Variants in HERC3 observed in about 807,000 individuals in gnomAD.
HERC3 encodes the protein HECT and RLD domain containing E3 ubiquitin protein ligase 3.
In HERC3, 58 loss-of-function variants were observed where a neutral mutation model predicts 129.9. The observed-to-expected ratio is 0.45, with a 90% CI of 0.36 to 0.56. The LOEUF is 0.56. Ranked by LOEUF, HERC3 falls within the 20% of genes least tolerant of loss-of-function variation. The pLI, the probability that HERC3 is intolerant of heterozygous loss-of-function variation, is 0.00. For synonymous variants in HERC3, 430 were observed against 451.0 expected (o/e 0.95, Z 0.59); for missense variants, 835 against 1,244.2 (o/e 0.67, Z 4.95).
intron 23 of HERC3, chr4:88,689,906 A>T (rs1188280835): frequency 1.4e-6 from 1 of 729,288 alleles, no homozygotes; most frequent in East Asian, 1.3e-4. Flanking sequence ...AAACGACTCG[A>T]AGCTAGTATG....
At chr4:88,596,068 C>T (rs1471697146) in intron 2 of HERC3, among the ~76,000 whole-genome samples, 1 of 152,004 alleles carries the variant, frequency 6.6e-6, no homozygotes, top group Admixed American at 6.5e-5. Flanking sequence ...CCAGGATGGT[C>T]TTGATCTCCT....
the HERC3 span, among the ~76,000 whole-genome samples, chr4:88,579,219 T>TA: frequency 8.7e-3 from 1,020 of 117,050 alleles, 9 homozygotes; most frequent in Middle Eastern, 0.019. Context: ...CTGTCTCTAC[T>TA]AAAAAAAAAA....
At chr4:88,577,941 T>TA in the HERC3 span, among the ~76,000 whole-genome samples, 1 of 152,112 alleles carries the variant, frequency 6.6e-6, no homozygotes, top group South Asian at 2.1e-4. Flanking sequence ...CAATCATGGG[T>TA]AAAGGAGGTG....
intron 3 of HERC3, among the ~76,000 whole-genome samples, chr4:88,647,048 CA>C (rs2149264813): frequency 1.3e-5 from 2 of 152,124 alleles, no homozygotes; most frequent in South Asian, 4.2e-4. Flanking sequence ...CTTTACCTTG[CA>C]AAAATGTAAG....
the HERC3 span, among the ~76,000 whole-genome samples, chr4:88,531,790 C>G: frequency 6.6e-6 from 1 of 152,178 alleles, no homozygotes; most frequent in Non-Finnish European, 1.5e-5. Flanking sequence ...CAGGTTCTGA[C>G]AGACACAGGA....
At chr4:88,690,857 A>G (rs916079582) in intron 23 of HERC3, among the ~76,000 whole-genome samples, 19 of 152,136 alleles carry the variant, frequency 1.2e-4, no homozygotes, top group Non-Finnish European at 2.4e-4. Flanking sequence ...TCAACAATTG[A>G]ATTGACTCAA....
chr4:88,580,345 T>C, the HERC3 span, among the ~76,000 whole-genome samples: 5 of 151,992 alleles, frequency 3.3e-5, no homozygotes, highest in African/African-American at 1.2e-4. Context: ...GCCAACAGGA[T>C]GAAACCCTGT....
chr4:88,698,000 A>T (rs749136925), intron 23 of HERC3, among the ~76,000 whole-genome samples: 3 of 151,614 alleles, frequency 2.0e-5, no homozygotes, highest in Non-Finnish European at 4.4e-5. Context: ...GGCCCTCAAC[A>T]CCCGCCTGTT....
chr4:88,606,913 A>G (rs936980591), intron 3 of HERC3, among the ~76,000 whole-genome samples: 6 of 152,184 alleles, frequency 3.9e-5, no homozygotes, highest in African/African-American at 1.4e-4. Context: ...TAATCCTCAC[A>G]CAATCACTAT....
At chr4:88,665,165 T>C (rs1730914117) in intron 12 of HERC3, among the ~76,000 whole-genome samples, 1 of 152,172 alleles carries the variant, frequency 6.6e-6, no homozygotes, top group African/African-American at 2.4e-5. Context: ...GATGGATGTA[T>C]CTAGAGAGAG....
chr4:88,595,748 G>T (rs1234758576), intron 2 of HERC3, 134 bp downstream of exon 2: 9 of 151,626 alleles, frequency 5.9e-5, no homozygotes, highest in African/African-American at 1.7e-4. Flanking sequence ...ACAAATCTCA[G>T]TGCCTTCCTG....
rs1729762513 is a variant in HERC3 at position 88,655,322 on chromosome 4, C to A, written c.908+18C>A. The A allele has an allele frequency of 6.2e-7, 1 of 1,612,218 alleles. No individual in the cohort carries two copies. Among genetic ancestry groups the A allele is most frequent in the East Asian group, 2.2e-5 (1 of 44,806 alleles). On this transcript the variant is annotated intron_variant, in intron 8 of 25. Coordinates refer to ENST00000402738, the MANE Select transcript of HERC3 (RefSeq NM_014606.3). The stretch of plus-strand genomic sequence containing the variant: ...TGTGGCAGGTGAGTGTTCCTCAAAG[C>A]TTGCTTGTATTCACTAGGACCCAGA...
chr4:88,660,575 G>A (rs1298246425), intron 10 of HERC3, among the ~76,000 whole-genome samples: 2 of 152,144 alleles, frequency 1.3e-5, no homozygotes, highest in East Asian at 1.9e-4. Context: ...GGGAGGGAAG[G>A]AGTTATATTC....
chr4:88,584,589 G>T, the HERC3 span, among the ~76,000 whole-genome samples: 1 of 152,164 alleles, frequency 6.6e-6, no homozygotes, highest in Admixed American at 6.6e-5. Context: ...TTGTCACAGC[G>T]GGGGATTAAG....
chr4:88,664,980 G>A (rs1395931082), intron 12 of HERC3, among the ~76,000 whole-genome samples: 1 of 152,120 alleles, frequency 6.6e-6, no homozygotes, highest in Non-Finnish European at 1.5e-5. Flanking sequence ...TGGATCTTTG[G>A]TAATCCCAAG....
At chr4:88,530,913 G>A in the HERC3 span, among the ~76,000 whole-genome samples, 7 of 152,028 alleles carry the variant, frequency 4.6e-5, no homozygotes, top group Admixed American at 3.3e-4. Context: ...GCAGTGGTGC[G>A]ATTTCAGCTC....
At chr4:88,677,905 T>A in intron 18 of HERC3, 59 bp from the exon 19 acceptor site, 1 of 1,514,854 alleles carries the variant, frequency 6.6e-7, no homozygotes, top group Non-Finnish European at 9.0e-7. Context: ...CACAGCTGAC[T>A]GCTCTCCCAA....
chr4:88,686,889 C>A, intron 22 of HERC3, 87 bp downstream of exon 22: 1 of 1,053,646 alleles, frequency 9.5e-7, no homozygotes, highest in Non-Finnish European at 1.5e-6. Context: ...TTCTTCAAAT[C>A]ATAGAAAAAA....
At chr4:88,582,545 C>G in the HERC3 span, among the ~76,000 whole-genome samples, 7 of 152,112 alleles carry the variant, frequency 4.6e-5, no homozygotes, top group Admixed American at 1.3e-4. Flanking sequence ...GAGGGAAGTT[C>G]TTTTAAAAGA....
Sources: allele counts gnomAD v4.1 joint callset (sites outside exome capture counted in the v4.1 genomes callset), GRCh38; gene constraint gnomAD v4.1.1; transcripts MANE v1.5; gene names NCBI Gene and HGNC (gene_info 2026-07-23, HGNC 2026-07-21).